The following ADARB2 variants were observed in gnomAD, a reference collection of about 807,000 sequenced individuals.
ADARB2 encodes the protein inactive double-stranded RNA-specific editase B2.
In ADARB2, 25 loss-of-function variants were observed where a neutral mutation model predicts 62.2. That is an observed-to-expected ratio of 0.40 (90% CI 0.29 to 0.56). ADARB2 has a LOEUF of 0.56. Among genes scored for constraint, ADARB2 ranks in the 20% least tolerant of loss-of-function variants. The pLI, the probability that ADARB2 is intolerant of heterozygous loss-of-function variation, is 0.43. For missense variants in ADARB2, 1,071 were observed against 1,077.4 expected (o/e 0.99, Z 0.08); for synonymous variants, 572 against 500.8 (o/e 1.14, Z -1.90).
At chr10:1,323,087 G>A (rs914593122) in intron 3 of ADARB2, among the ~76,000 whole-genome samples, 3 of 152,110 alleles carry the variant, frequency 2.0e-5, no homozygotes, top group African/African-American at 4.8e-5. Flanking sequence ...AAGTATTGAA[G>A]GTTAATAAAG....
intron 1 of ADARB2, among the ~76,000 whole-genome samples, chr10:1,485,691 G>A (rs1208252816): frequency 6.6e-6 from 1 of 152,188 alleles, no homozygotes; most frequent in Non-Finnish European, 1.5e-5. Context: ...CGGTGGGATG[G>A]AATAATAACG....
intron 1 of ADARB2, among the ~76,000 whole-genome samples, chr10:1,465,695 G>A (rs1197415071): frequency 2.0e-5 from 3 of 152,214 alleles, no homozygotes; most frequent in African/African-American, 7.2e-5. Flanking sequence ...AGATGCTAAT[G>A]AGGCACGTGA....
intron 1 of ADARB2, among the ~76,000 whole-genome samples, chr10:1,616,066 G>A (rs1209599965): frequency 6.6e-6 from 1 of 152,224 alleles, no homozygotes; most frequent in Non-Finnish European, 1.5e-5. Flanking sequence ...GGGGGAGGCT[G>A]GAATTCTATA....
At chr10:1,502,494 T>TC (rs1221303412) in intron 1 of ADARB2, among the ~76,000 whole-genome samples, 2 of 152,220 alleles carry the variant, frequency 1.3e-5, no homozygotes, top group Non-Finnish European at 2.9e-5. Flanking sequence ...GGGTCACCCC[T>TC]CCCAGGCTTG....
chr10:1,231,091 G>A (rs568764598), intron 6 of ADARB2, among the ~76,000 whole-genome samples: 50 of 152,078 alleles, frequency 3.3e-4, no homozygotes, highest in Non-Finnish European at 6.9e-4. Flanking sequence ...GACTAGAACT[G>A]TCCCCTGGGG....
chr10:1,735,387 T>G (rs938199242), intron 1 of ADARB2, among the ~76,000 whole-genome samples: 6 of 152,222 alleles, frequency 3.9e-5, no homozygotes, highest in African/African-American at 7.2e-5. Flanking sequence ...GCAAGTGAAT[T>G]TGGAGAAAGG....
At chr10:1,533,668 C>A (rs1365961176) in intron 1 of ADARB2, among the ~76,000 whole-genome samples, 1 of 152,172 alleles carries the variant, frequency 6.6e-6, no homozygotes, top group East Asian at 1.9e-4. Context: ...GATTTCTGAG[C>A]ATATTTCCTA....
At chr10:1,589,832 C>T (rs1437239748) in intron 1 of ADARB2, among the ~76,000 whole-genome samples, 8 of 152,210 alleles carry the variant, frequency 5.3e-5, no homozygotes, top group East Asian at 3.8e-4. Flanking sequence ...TGCCACCATA[C>T]CCGGCTAATT....
chr10:1,499,195 A>G (rs929708849), intron 1 of ADARB2, among the ~76,000 whole-genome samples: 24 of 151,332 alleles, frequency 1.6e-4, no homozygotes, highest in Non-Finnish European at 7.4e-5. Context: ...CTAATCACTT[A>G]TCATTACTTA....
intron 2 of ADARB2, among the ~76,000 whole-genome samples, chr10:1,378,134 C>CCTGACAATTTG (rs1189284791): frequency 6.6e-6 from 1 of 152,152 alleles, no homozygotes; most frequent in Non-Finnish European, 1.5e-5. Flanking sequence ...TTGTTAAATG[C>CCTGACAATTTG]CTGACAATTT....
At position 1,344,882 on chromosome 10, in the gene ADARB2, C is replaced by T. The variant is rs569911964; in HGVS notation, c.1077+18146G>A. 1.4e-4 allele frequency among the ~76,000 whole-genome samples: 22 copies of T among 152,300 alleles called. 1 individual carries two copies. In the South Asian group the frequency reaches 1.7e-3, roughly 11 times the overall value. The stretch of plus-strand genomic sequence containing the variant: ...TGGGCCAGGCCCACACCCGTGTGCC[C>T]GCTGTTTCTCCATGTGGCCTTCATT... On this transcript the variant is annotated intron_variant, in intron 3 of 9. Coordinates refer to ENST00000381312, the MANE Select transcript of ADARB2 (RefSeq NM_018702.4).
intron 1 of ADARB2, among the ~76,000 whole-genome samples, chr10:1,599,268 C>T (rs1032778295): frequency 1.3e-5 from 2 of 152,170 alleles, no homozygotes; most frequent in Non-Finnish European, 2.9e-5. Flanking sequence ...TCTCACTGTT[C>T]TATGACCAGG....
At chr10:1,734,038 T>C (rs1337220165) in intron 1 of ADARB2, among the ~76,000 whole-genome samples, 1 of 152,074 alleles carries the variant, frequency 6.6e-6, no homozygotes, top group Non-Finnish European at 1.5e-5. Flanking sequence ...GTTTTTCTCT[T>C]ATATGAGAGT....
intron 1 of ADARB2, among the ~76,000 whole-genome samples, chr10:1,674,486 AAGTC>A (rs1415495247): frequency 6.6e-6 from 1 of 152,212 alleles, no homozygotes; most frequent in African/African-American, 2.4e-5. Flanking sequence ...TTGTAGTAAA[AAGTC>A]AGAATAAAAA....
At chr10:1,202,965 A>G (rs1837007233) in intron 7 of ADARB2, among the ~76,000 whole-genome samples, 1 of 152,216 alleles carries the variant, frequency 6.6e-6, no homozygotes, top group African/African-American at 2.4e-5. Context: ...AACCTTTACA[A>G]TAAAGAGGAA....
chr10:1,266,511 T>G (rs919958762), intron 4 of ADARB2, among the ~76,000 whole-genome samples: 416 of 128,184 alleles, frequency 3.2e-3, no homozygotes, highest in African/African-American at 5.1e-3. Flanking sequence ...TGGTGGGGGG[T>G]GGGGGGGGGG....
intron 6 of ADARB2, among the ~76,000 whole-genome samples, chr10:1,230,592 G>A (rs925232160): frequency 6.6e-6 from 1 of 152,222 alleles, no homozygotes; most frequent in African/African-American, 2.4e-5. Context: ...AATGGCAGGA[G>A]TTGTTCCTGA....
intron 3 of ADARB2, among the ~76,000 whole-genome samples, chr10:1,360,631 C>T (rs1260259361): frequency 6.6e-6 from 1 of 152,220 alleles, no homozygotes; most frequent in Non-Finnish European, 1.5e-5. Context: ...CCTCCCAGCC[C>T]CCGCCCAGCT....
chr10:1,672,729 C>G (rs202115915), intron 1 of ADARB2, among the ~76,000 whole-genome samples: 6 of 85,314 alleles, frequency 7.0e-5, no homozygotes, highest in South Asian at 7.2e-4. Context: ...CTCCACGCAC[C>G]GCAAGGCTCC....
Sources: gnomAD v4.1 joint callset for allele counts (sites outside exome capture counted in the v4.1 genomes callset) on GRCh38, gnomAD v4.1.1 for gene constraint, MANE v1.5 for transcripts, NCBI Gene and HGNC (gene_info 2026-07-23, HGNC 2026-07-21) for gene names.